Variants in PKP4 observed in about 807,000 individuals in gnomAD.
PKP4 encodes plakophilin 4, also known as plakophilin-4.
A neutral mutation model predicts 145.1 loss-of-function variants in PKP4; 90 were observed. The observed-to-expected ratio is 0.62, with a 90% CI of 0.52 to 0.74. The LOEUF (loss-of-function observed/expected upper bound fraction) is 0.74. PKP4 is among the 30% of genes least tolerant of loss of function. The probability of loss-of-function intolerance (pLI) is 0.00; values close to 1 mark genes in which losing one functional copy is unlikely to be tolerated. For synonymous variants in PKP4, 563 were observed against 577.2 expected, an observed-to-expected ratio of 0.98 and a Z score of 0.35; for missense variants, 1,340 against 1,482.7, an observed-to-expected ratio of 0.90 and a Z score of 1.58.
chr2:158,513,385 C>T (rs1284167929), intron 1 of PKP4, among the ~76,000 whole-genome samples: 2 of 152,106 alleles, frequency 1.3e-5, no homozygotes, highest in Non-Finnish European at 2.9e-5. Context: ...TGGCAATACC[C>T]GAGTACATCT....
At chr2:158,622,731 G>T (rs987682227) in intron 6 of PKP4, among the ~76,000 whole-genome samples, 12 of 152,170 alleles carry the variant, frequency 7.9e-5, no homozygotes, top group African/African-American at 2.7e-4. Flanking sequence ...GAAATCTTGT[G>T]CATGTGGCAA....
intron 3 of PKP4, chr2:158,578,352 T>C (rs959484939): frequency 1.1e-4 from 18 of 160,534 alleles, no homozygotes; most frequent in African/African-American, 4.1e-4. Flanking sequence ...TAAATAAAGG[T>C]CGTCAAAACT....
intron 1 of PKP4, among the ~76,000 whole-genome samples, chr2:158,462,704 T>C (rs1689951528): frequency 6.6e-6 from 1 of 152,040 alleles, no homozygotes; most frequent in Non-Finnish European, 1.5e-5. Flanking sequence ...GGTAGTGAGG[T>C]GTCATGATTA....
At chr2:158,584,969 C>T (rs1295936232) in intron 3 of PKP4, among the ~76,000 whole-genome samples, 1 of 151,590 alleles carries the variant, frequency 6.6e-6, no homozygotes, top group Non-Finnish European at 1.5e-5. Flanking sequence ...CGTAGTTTGT[C>T]TCCTGACTAA....
At chr2:158,666,988 G>A (rs545228689) in intron 16 of PKP4, among the ~76,000 whole-genome samples, 1 of 152,094 alleles carries the variant, frequency 6.6e-6, no homozygotes, top group Non-Finnish European at 1.5e-5. Flanking sequence ...TCTCACATTG[G>A]TATAAATCTT....
chr2:158,530,769 A>G (rs2043464653), intron 1 of PKP4, among the ~76,000 whole-genome samples: 1 of 152,034 alleles, frequency 6.6e-6, no homozygotes, highest in South Asian at 2.1e-4. Flanking sequence ...GACAGGTACC[A>G]TTGGCTTTGC....
At chr2:158,587,627 A>G (rs1251831053) in intron 3 of PKP4, among the ~76,000 whole-genome samples, 2 of 151,994 alleles carry the variant, frequency 1.3e-5, no homozygotes, top group Non-Finnish European at 1.5e-5. Context: ...TTTTCCCCTT[A>G]TCTGGGTTTT....
intron 19 of PKP4, among the ~76,000 whole-genome samples, chr2:158,674,854 T>C (rs901059048): frequency 6.6e-6 from 1 of 152,258 alleles, no homozygotes; most frequent in Admixed American, 6.5e-5. Context: ...GTGCTACTGC[T>C]GGCAGTCTTA....
chr2:158,635,984 C>T (rs1222351420), intron 9 of PKP4, among the ~76,000 whole-genome samples: 2 of 151,954 alleles, frequency 1.3e-5, no homozygotes, highest in Admixed American at 1.3e-4. Flanking sequence ...TTACAGTTGG[C>T]CTGAAAAATT....
chr2:158,533,101 C>G (rs1559285609), intron 1 of PKP4, 79 bp from the exon 2 acceptor site: 2 of 1,418,992 alleles, frequency 1.4e-6, no homozygotes, highest in East Asian at 2.5e-5. Context: ...ACTGTAGTTG[C>G]TAGGAACCAT....
chr2:158,538,193 CT>C (rs1330382865), intron 2 of PKP4, among the ~76,000 whole-genome samples: 1 of 152,168 alleles, frequency 6.6e-6, no homozygotes, highest in Non-Finnish European at 1.5e-5. Context: ...CCCTCTGCAA[CT>C]TACTTAGATG....
At chr2:158,544,986 T>A (rs1378027873) in intron 2 of PKP4, among the ~76,000 whole-genome samples, 1 of 151,840 alleles carries the variant, frequency 6.6e-6, no homozygotes, top group East Asian at 1.9e-4. Flanking sequence ...CCTCTGAATG[T>A]ACAGTGCCAT....
chr2:158,602,789 G>A (rs1388801805), intron 3 of PKP4, among the ~76,000 whole-genome samples: 3 of 152,106 alleles, frequency 2.0e-5, no homozygotes, highest in Non-Finnish European at 4.4e-5. Flanking sequence ...AGTACATCAT[G>A]TAAGTACTGT....
chr2:158,470,319 A>G (rs1204776877), intron 1 of PKP4, among the ~76,000 whole-genome samples: 1 of 152,118 alleles, frequency 6.6e-6, no homozygotes, highest in Non-Finnish European at 1.5e-5. Flanking sequence ...CCTACCATAT[A>G]AGGCCCGTTA....
intron 3 of PKP4, among the ~76,000 whole-genome samples, chr2:158,593,414 A>G (rs113339972): frequency 0.012 from 1,866 of 152,280 alleles, 44 homozygotes; most frequent in African/African-American, 0.042. Context: ...ATGGGCATAA[A>G]CAGAAGTCAT....
chr2:158,587,885 C>T (rs1466714578), intron 3 of PKP4, among the ~76,000 whole-genome samples: 1 of 151,032 alleles, frequency 6.6e-6, no homozygotes, highest in African/African-American at 2.4e-5. Flanking sequence ...ATATTATATA[C>T]ATATATATTA....
chr2:158,487,147 G>A (rs1010701905), intron 1 of PKP4, among the ~76,000 whole-genome samples: 4 of 152,106 alleles, frequency 2.6e-5, no homozygotes, highest in South Asian at 2.1e-4. Flanking sequence ...GATTCAGCCC[G>A]TGGGAGTGAT....
chr2:158,631,671 G>A (rs1462371730), intron 7 of PKP4, 82 bp from the exon 8 acceptor site: 9 of 1,223,732 alleles, frequency 7.4e-6, no homozygotes, highest in Non-Finnish European at 1.1e-5. Context: ...GATTACAGGG[G>A]TTAGGAATTT....
intron 1 of PKP4, among the ~76,000 whole-genome samples, chr2:158,508,775 C>A (rs11686686): frequency 6.6e-6 from 1 of 152,022 alleles, no homozygotes; most frequent in Non-Finnish European, 1.5e-5. Context: ...ACTGTTGACA[C>A]AGGCTTTATA....
Sources: gnomAD v4.1 joint callset for allele counts (sites outside exome capture counted in the v4.1 genomes callset) on GRCh38, gnomAD v4.1.1 for gene constraint, MANE v1.5 for transcripts, NCBI Gene and HGNC (gene_info 2026-07-23, HGNC 2026-07-21) for gene names.